MICALL2: variants seen among roughly 807,000 people sequenced by gnomAD.
MICALL2 encodes the protein MICAL-like protein 2.
Under a neutral mutation model 91.1 loss-of-function variants are expected in MICALL2, and 111 were observed. The observed-to-expected ratio is 1.22, with a 90% CI of 1.04 to 1.43. The LOEUF (loss-of-function observed/expected upper bound fraction) is 1.43, where lower values mean the gene tolerates loss of function less well. MICALL2 is among the 40% of genes most tolerant of loss of function. The pLI, the probability that MICALL2 is intolerant of heterozygous loss-of-function variation, is 0.00. For missense variants in MICALL2, 1,556 were observed against 1,236.0 expected (o/e 1.26, Z -3.88); for synonymous variants, 694 against 525.3 (o/e 1.32, Z -4.39).
rs750697437 is a variant in MICALL2, at chr7:1,440,028, G to A, written c.1863C>T (p.Pro621=). ...CAGCAAAGCTGCCTGAGACCTTCCT[G>A]GGGGCCTCCCCCGCCCTCGGCTCTG... The part of the protein sequence containing the change: ...ALAEPRAGEA[P]RKVSGSFAGS... Residue 621 remains proline, a synonymous_variant, in exon 9 of 17, where the codon CCC becomes CCT. Transcript: ENST00000297508. The A allele has an allele frequency of 3.2e-6, 5 of 1,577,104 alleles. No individual in the cohort carries two copies. The highest frequency in any genetic ancestry group is 2.0e-5 in the Admixed American group (1 of 50,528).
intron 9 of MICALL2, chr7:1,439,645 C>T (rs767878846): frequency 2.5e-5 from 9 of 366,404 alleles, no homozygotes; most frequent in Non-Finnish European, 3.4e-5. Flanking sequence ...ACATGCATCA[C>T]GTGCACATGC....
rs758166779 is a variant in MICALL2 at position 1,446,770 on chromosome 7, A to G, written c.584T>C (p.Val195Ala). 8 of 1,608,632 alleles carry G rather than the reference A, an allele frequency of 5.0e-6. No individual in the cohort carries two copies. The highest frequency in any genetic ancestry group is 6.8e-6 in the Non-Finnish European group (8 of 1,178,272). ...GGCCAGGTGCCGCTGTACCAGGTGC[A>G]CGTGCTTGCCGCAGACCCCGCAGGT... Reference protein sequence around the residue: ...SSTCGVCGKHVHLVQRHLADG... With the variant: ...SSTCGVCGKHAHLVQRHLADG... Residue 195 changes from valine (V) to alanine (A), a missense_variant, in exon 5 of 17, where the codon GTG becomes GCG. Transcript: ENST00000297508.
intron 9 of MICALL2, 113 bp downstream of exon 9, chr7:1,439,812 C>T (rs1224346481): frequency 1.4e-5 from 12 of 860,230 alleles, no homozygotes; most frequent in African/African-American, 1.2e-4. Flanking sequence ...CTGACCGGAG[C>T]GCCTCTCCGC....
intron 1 of MICALL2, among the ~76,000 whole-genome samples, chr7:1,457,761 G>A (rs1781071656): frequency 6.6e-6 from 1 of 152,246 alleles, no homozygotes; most frequent in Non-Finnish European, 1.5e-5. Context: ...CCAGCAGCCG[G>A]TGGCAACGCC....
In MICALL2 at chr7:1,452,597, G is replaced by A. The variant is rs1187504214; in HGVS notation, c.144-2309C>T. Among the ~76,000 whole-genome samples the A allele has an allele frequency of 2.6e-5, 4 of 152,150 alleles. No homozygotes were observed. Among genetic ancestry groups the A allele is most frequent in the Admixed American group, 6.5e-5 (1 of 15,280 alleles). On this transcript the variant is annotated intron_variant, in intron 1 of 16. Coordinates refer to ENST00000297508, the MANE Select transcript of MICALL2 (RefSeq NM_182924.4). The surrounding 1 kb of genome is among the most constrained non-coding windows in gnomAD (Gnocchi z 6.2). ...AGGAGGAGGAGGCTGTCTGCCTCCC[G>A]CACTTGTTTCCGTCCACCCCAGGGG... is the stretch of plus-strand genomic sequence containing the variant.
chr7:1,450,720 G>A (rs1156781647), intron 1 of MICALL2, among the ~76,000 whole-genome samples: 1 of 152,228 alleles, frequency 6.6e-6, no homozygotes, highest in Non-Finnish European at 1.5e-5. Flanking sequence ...AGGGAACGGA[G>A]GAGAGAGGCT....
At chr7:1,448,439 T>C (rs980525777) in intron 3 of MICALL2, among the ~76,000 whole-genome samples, 181 bp downstream of exon 3, 2 of 148,968 alleles carry the variant, frequency 1.3e-5, no homozygotes, top group African/African-American at 5.1e-5. Context: ...GGGTTGGGGA[T>C]GGGGCGCCCA....
chr7:1,445,364 A>G lies in MICALL2; in HGVS notation c.706T>C (p.Phe236Leu), dbSNP rs1479375892. Residue 236 changes from phenylalanine (F) to leucine (L), a missense_variant, in exon 6 of 17, where the codon TTC becomes CTC. Coordinates refer to ENST00000297508, the MANE Select transcript of MICALL2 (RefSeq NM_182924.4). Reference sequence around the variant, plus strand: ...GCGGGGAGGTGGCTGGTGCAGACGAAGGTGCCCGGCTCTCCTGTGGCCTTG... The same window carrying G: ...GCGGGGAGGTGGCTGGTGCAGACGAGGGTGCCCGGCTCTCCTGTGGCCTTG... ...AYKATGEPGT[F>L]VCTSHLPAAA... 2 of 1,591,558 alleles carry G rather than the reference A, an allele frequency of 1.3e-6. No individual in the cohort carries two copies.
At position 1,438,998 on chromosome 7, in the gene MICALL2, G is replaced by A. The variant is rs1562449358; in HGVS notation, c.1967-3C>T. 1 of 1,589,772 alleles carries A rather than the reference G, an allele frequency of 6.3e-7. No individual in the cohort carries two copies. Among genetic ancestry groups the A allele is most frequent in the Admixed American group, 1.7e-5 (1 of 59,672 alleles). On this transcript the variant is annotated splice_region_variant and splice_polypyrimidine_tract_variant and intron_variant, in intron 9 of 16. Coordinates refer to ENST00000297508, the MANE Select transcript of MICALL2 (RefSeq NM_182924.4). ...GCGGGGTGGGGAGGGGGACCTGGCTGCCCCCAGGTGGGGAGACAGAGCCAC... is the reference window on the plus strand; with the variant it reads ...GCGGGGTGGGGAGGGGGACCTGGCTACCCCCAGGTGGGGAGACAGAGCCAC...
rs1780115156 is a variant in MICALL2, at chr7:1,438,828, T to C, written c.2122+12A>G. On this transcript the variant is annotated intron_variant, in intron 10 of 16. Coordinates refer to ENST00000297508, the MANE Select transcript of MICALL2 (RefSeq NM_182924.4). ...GTACACCCCAAACAGCAGCGGTGTC[T>C]CTGGGGCTGACCTGGTTTGCCCTGA... The C allele has an allele frequency of 1.9e-6, 3 of 1,597,046 alleles. No individual in the cohort carries two copies. The highest frequency in any genetic ancestry group is 2.2e-5 in the East Asian group (1 of 44,502).
chr7:1,454,830 G>T (rs1780956958), intron 1 of MICALL2, among the ~76,000 whole-genome samples: 1 of 152,166 alleles, frequency 6.6e-6, no homozygotes, highest in Admixed American at 6.5e-5. Context: ...GTCTCGGGGA[G>T]CCCCGCCACC....
intron 6 of MICALL2, 97 bp from the exon 7 acceptor site, chr7:1,442,581 A>C: frequency 8.1e-7 from 1 of 1,232,182 alleles, no homozygotes; most frequent in South Asian, 1.5e-5. Flanking sequence ...GCTCACTCCC[A>C]ATGCCCAGCC....
At chr7:1,442,790 T>C (rs1321234124) in intron 6 of MICALL2, among the ~76,000 whole-genome samples, 1 of 152,114 alleles carries the variant, frequency 6.6e-6, no homozygotes, top group Non-Finnish European at 1.5e-5. Context: ...TTGATTCTCC[T>C]CCCCTGTGAA....
chr7:1,441,056 C>A (rs902223979), intron 7 of MICALL2: 5 of 294,052 alleles, frequency 1.7e-5, no homozygotes, highest in African/African-American at 4.3e-5. Flanking sequence ...CTGGGTCCTG[C>A]AGGATCCAGC....
At chr7:1,455,572 G>A (rs10276643) in intron 1 of MICALL2, among the ~76,000 whole-genome samples, 1,872 of 147,650 alleles carry the variant, frequency 0.013, 54 homozygotes, top group African/African-American at 0.043. Context: ...GCTCCCCAGT[G>A]TGGTCACACG....
intron 6 of MICALL2, 138 bp from the exon 7 acceptor site, chr7:1,442,622 C>CG (rs1780356772): frequency 2.5e-6 from 2 of 795,840 alleles, no homozygotes; most frequent in African/African-American, 3.5e-5. Flanking sequence ...CACCCCAGGC[C>CG]ACCCTCCACC....
chr7:1,435,194 T>C, intron 15 of MICALL2, 47 bp from the exon 16 acceptor site: 1 of 1,604,588 alleles, frequency 6.2e-7, no homozygotes, highest in Non-Finnish European at 8.5e-7. Context: ...AATGGCAAGG[T>C]GCCCTGGAGG....
intron 15 of MICALL2, among the ~76,000 whole-genome samples, chr7:1,436,532 A>C (rs1779971604): frequency 6.8e-6 from 1 of 146,658 alleles, no homozygotes; most frequent in Non-Finnish European, 1.5e-5. Flanking sequence ...CAGCCTGGTG[A>C]CAGAGCAAGA....
At chr7:1,436,598 G>T in intron 15 of MICALL2, 144 bp downstream of exon 15, 6 of 412,690 alleles carry the variant, frequency 1.5e-5, no homozygotes, top group Non-Finnish European at 2.5e-5. Context: ...ATGGCCACAT[G>T]TGGCCCCTGG....
Sources: gnomAD v4.1 joint callset for allele counts (sites outside exome capture counted in the v4.1 genomes callset) on GRCh38, gnomAD v4.1.1 for gene constraint, Gnocchi (gnomAD v3.1) non-coding constraint, MANE v1.5 for transcripts, NCBI Gene and HGNC (gene_info 2026-07-23, HGNC 2026-07-21) for gene names.